RUVBL1: variants seen among roughly 807,000 people sequenced by gnomAD.
RUVBL1 encodes ruvB-like 1.
In RUVBL1, 4 loss-of-function variants were observed where a neutral mutation model predicts 52.4. The ratio of observed to expected loss-of-function variants is 0.08; its 90% CI spans 0.04 to 0.17. The LOEUF (loss-of-function observed/expected upper bound fraction) is 0.17, where lower values mean the gene tolerates loss of function less well. RUVBL1 is among the 10% of genes least tolerant of loss of function. The probability of loss-of-function intolerance (pLI) is 1.00; values close to 1 mark genes in which losing one functional copy is unlikely to be tolerated. For missense variants in RUVBL1, 298 were observed against 572.8 expected, an observed-to-expected ratio of 0.52 and a Z score of 4.90; for synonymous variants, 217 against 214.4, an observed-to-expected ratio of 1.01 and a Z score of -0.10.
At position 128,122,431 on chromosome 3, in the gene RUVBL1, GGGGAA is replaced by G. The variant is rs1475935185; in HGVS notation, c.141+1148_141+1152del. On this transcript the variant is annotated intron_variant, in intron 1 of 10. Coordinates refer to ENST00000322623, the MANE Select transcript of RUVBL1 (RefSeq NM_003707.3). ...TGTCTGAAAACTGTCATACTAAAGC[GGGGAA>G]GGGACAACTAATACGTTGGATATGA... is the stretch of plus-strand genomic sequence containing the variant. 2.6e-5 allele frequency among the ~76,000 whole-genome samples: 4 copies of G among 152,196 alleles called. No individual in the cohort carries two copies. In the East Asian group the frequency reaches 7.7e-4, roughly 29 times the overall value.
intron 8 of RUVBL1, among the ~76,000 whole-genome samples, chr3:128,088,868 CTATTA>C (rs986342156): frequency 6.6e-6 from 1 of 152,136 alleles, no homozygotes; most frequent in Non-Finnish European, 1.5e-5. Flanking sequence ...CCAATTGTTG[CTATTA>C]TTTTTATTGA....
chr3:128,081,484 G>T lies in RUVBL1; in HGVS notation c.1212-75C>A. On this transcript the variant is annotated intron_variant, in intron 10 of 10. Transcript: ENST00000322623. The surrounding 1 kb of genome is among the most constrained non-coding windows in gnomAD (Gnocchi z 4.8). ...AAGCACCTTCCCCCCACATCAGTAGGCAGCACTGGCACCAGGAGCAGAGCC... is the reference window on the plus strand; with the variant it reads ...AAGCACCTTCCCCCCACATCAGTAGTCAGCACTGGCACCAGGAGCAGAGCC... The T allele has an allele frequency of 6.9e-7, 1 of 1,452,348 alleles. No homozygotes were observed. The highest frequency in any genetic ancestry group is 9.4e-7 in the Non-Finnish European group (1 of 1,063,840). The allele number at this position is 1,452,348 out of a possible 1,614,324, so 90.0% of individuals were successfully genotyped here. A position where few individuals can be genotyped will look rare whatever the true frequency, so the allele number is the denominator to read the frequency against.
At chr3:128,130,948 C>G (rs532243911) in intron 1 of RUVBL1, among the ~76,000 whole-genome samples, 17 of 152,088 alleles carry the variant, frequency 1.1e-4, no homozygotes, top group African/African-American at 4.1e-4. Context: ...CCCTGCCCGG[C>G]CTTTATTTTT....
In RUVBL1 at chr3:128,087,728, T is replaced by C. The variant is rs1942693089; in HGVS notation, c.1097A>G (p.Tyr366Cys). The change falls in exon 9 of 11, where the codon TAT becomes TGT. Residue 366 changes from tyrosine (Y) to cysteine (C), a missense_variant. Physicochemically the swap from Tyr to Cys is radical, Grantham distance 194. Coordinates refer to ENST00000322623, the MANE Select transcript of RUVBL1 (RefSeq NM_003707.3). The stretch of plus-strand genomic sequence containing the variant: ...CACCTGTTTCATTTCCTGTGGAGTA[T>C]ACAGCATGGTCCGGATTATCATCAC... ...DRVMIIRTML[Y>C]TPQEMKQIIK... The C allele has an allele frequency of 6.2e-7, 1 of 1,613,842 alleles. No individual in the cohort carries two copies. Among genetic ancestry groups the C allele is most frequent in the South Asian group, 1.1e-5 (1 of 91,066 alleles).
intron 1 of RUVBL1, among the ~76,000 whole-genome samples, chr3:128,120,393 T>C (rs868491988): frequency 6.6e-6 from 1 of 152,230 alleles, no homozygotes; most frequent in South Asian, 2.1e-4. Flanking sequence ...ATATTTTAAA[T>C]ACATTATAAA....
chr3:128,128,770 ACTCTCAGGC>A (rs1943834168), upstream of RUVBL1, among the ~76,000 whole-genome samples: 1 of 152,022 alleles, frequency 6.6e-6, no homozygotes, highest in Non-Finnish European at 1.5e-5. Context: ...TTGGGAAACA[ACTCTCAGGC>A]GCTACCCTAA....
intron 1 of RUVBL1, among the ~76,000 whole-genome samples, chr3:128,149,444 CA>C (rs1944152622): frequency 6.6e-6 from 1 of 152,240 alleles, no homozygotes; most frequent in South Asian, 2.1e-4. Context: ...CTTCGCCTCT[CA>C]AAGTGCTGGG....
chr3:128,150,927 T>G (rs1280402893), intron 1 of RUVBL1, among the ~76,000 whole-genome samples: 6 of 90,866 alleles, frequency 6.6e-5, no homozygotes, highest in Non-Finnish European at 9.7e-5. Context: ...ATTATATATA[T>G]AATATATTCT....
intron 1 of RUVBL1, among the ~76,000 whole-genome samples, chr3:128,146,823 G>A (rs1256705913): frequency 2.0e-5 from 3 of 152,128 alleles, no homozygotes; most frequent in African/African-American, 7.2e-5. Context: ...GCATGCATCT[G>A]TGTGTGTGCG....
At chr3:128,115,180 G>GA in intron 2 of RUVBL1, among the ~76,000 whole-genome samples, 1 of 152,102 alleles carries the variant, frequency 6.6e-6, no homozygotes, top group East Asian at 1.9e-4. Flanking sequence ...TATAGATTAA[G>GA]AAACAAACTC....
At chr3:128,083,843 G>C (rs13094208) in intron 9 of RUVBL1, 35,181 of 152,258 alleles carry the variant, frequency 0.23, 4,137 homozygotes, top group South Asian at 0.27. Context: ...TTTGGGAGGC[G>C]GAGGCAGGTG....
exon 1 of RUVBL1, chr3:128,153,636 C>T: frequency 6.3e-7 from 1 of 1,598,170 alleles, no homozygotes; most frequent in Non-Finnish European, 8.5e-7. Flanking sequence ...CGCAGAGCCG[C>T]GAGCGCGGCA....
intron 9 of RUVBL1, chr3:128,068,126 C>T (rs1403522041): frequency 4.0e-6 from 5 of 1,247,000 alleles, no homozygotes; most frequent in South Asian, 3.6e-5. Flanking sequence ...CCATGCAGGG[C>T]ATCCTGATAG....
At chr3:128,113,490 G>C (rs1279696415) in intron 2 of RUVBL1, among the ~76,000 whole-genome samples, 1 of 152,142 alleles carries the variant, frequency 6.6e-6, no homozygotes, top group East Asian at 1.9e-4. Flanking sequence ...AAAATCCATG[G>C]ATGTTCAAGT....
At chr3:128,122,430 C>T (rs915754590) in intron 1 of RUVBL1, among the ~76,000 whole-genome samples, 4 of 152,128 alleles carry the variant, frequency 2.6e-5, no homozygotes, top group South Asian at 2.1e-4. Context: ...CATACTAAAG[C>T]GGGGAAGGGA....
chr3:128,064,966 C>T lies in RUVBL1; in HGVS notation c.*246G>A, dbSNP rs2107647591. On this transcript the variant is annotated 3_prime_UTR_variant, in exon 10 of 10. Coordinates refer to the RUVBL1 transcript ENST00000464873. ...CCGAGCCCTTCGGGAGGCGTTCTACCGCCAGAATCTTCCCAACCTCATGAA... is the reference window on the plus strand; with the variant it reads ...CCGAGCCCTTCGGGAGGCGTTCTACTGCCAGAATCTTCCCAACCTCATGAA... 6.2e-7 allele frequency: 1 copy of T among 1,614,180 alleles called. No individual in the cohort carries two copies. The highest frequency in any genetic ancestry group is 1.1e-5 in the South Asian group (1 of 91,088).
At chr3:128,065,798 G>A (rs536799656) in intron 9 of RUVBL1, among the ~76,000 whole-genome samples, 176 of 141,860 alleles carry the variant, frequency 1.2e-3, no homozygotes, top group African/African-American at 4.3e-3. Context: ...GTGCAGTGGC[G>A]CGATCTCGAC....
intron 8 of RUVBL1, among the ~76,000 whole-genome samples, chr3:128,096,487 G>A (rs958296924): frequency 6.6e-5 from 10 of 152,112 alleles, no homozygotes; most frequent in South Asian, 2.1e-4. Context: ...AGAGTGGAGC[G>A]GGAGGATGGA....
chr3:128,094,977 G>A (rs1048958368), intron 8 of RUVBL1, among the ~76,000 whole-genome samples: 2 of 152,180 alleles, frequency 1.3e-5, no homozygotes, highest in South Asian at 4.1e-4. Context: ...CCGAATCTGC[G>A]TTACCTGAGC....
Sources: gnomAD v4.1 joint callset for allele counts (sites outside exome capture counted in the v4.1 genomes callset) on GRCh38, gnomAD v4.1.1 for gene constraint, Gnocchi (gnomAD v3.1) non-coding constraint, MANE v1.5 for transcripts, NCBI Gene and HGNC (gene_info 2026-07-23, HGNC 2026-07-21) for gene names.